Variants in SLC38A6 observed in about 807,000 individuals in gnomAD.
The protein encoded by SLC38A6 is N system amino acid transporter NAT-1.
SLC38A6 carries 73 observed loss-of-function variants against 65.0 expected under a neutral mutation model. The ratio of observed to expected loss-of-function variants is 1.12; its 90% CI spans 0.93 to 1.37. SLC38A6 has a LOEUF of 1.37. SLC38A6 is among the 40% of genes most tolerant of loss of function. The pLI is 0.00. For missense variants in SLC38A6, 561 were observed against 531.1 expected, an observed-to-expected ratio of 1.06 and a Z score of -0.55; for synonymous variants, 183 against 178.8, an observed-to-expected ratio of 1.02 and a Z score of -0.19.
In SLC38A6 at chr14:61,001,386, T is replaced by C. The variant is rs562090262; in HGVS notation, c.311-14518T>C. Reference sequence around the variant, plus strand: ...GTGTTTGCCTTGACATTAGATTAAGTGTTCCCTTAAGCAGAAGCTGAATTT... The same window carrying C: ...GTGTTTGCCTTGACATTAGATTAAGCGTTCCCTTAAGCAGAAGCTGAATTT... On this transcript the variant is annotated intron_variant, in intron 3 of 15. Transcript: ENST00000267488. Among the ~76,000 whole-genome samples the C allele has an allele frequency of 5.9e-4, 90 of 152,346 alleles. No homozygotes were observed. The South Asian group carries it at 0.018, about 31-fold the overall frequency.
chr14:61,017,382 T>G (rs1351789052), intron 4 of SLC38A6, among the ~76,000 whole-genome samples: 1 of 152,176 alleles, frequency 6.6e-6, no homozygotes, highest in Non-Finnish European at 1.5e-5. Context: ...TTAAATCATA[T>G]ACTATATAGC....
intron 16 of SLC38A6, among the ~76,000 whole-genome samples, chr14:61,080,331 C>T (rs190488795): frequency 3.9e-5 from 6 of 152,250 alleles, no homozygotes; most frequent in African/African-American, 1.2e-4. Context: ...GGGAGAGGCT[C>T]AGCTGAGGGA....
intron 8 of SLC38A6, among the ~76,000 whole-genome samples, chr14:61,042,230 A>T (rs1484261637): frequency 6.6e-6 from 1 of 152,130 alleles, no homozygotes; most frequent in African/African-American, 2.4e-5. Flanking sequence ...TTGTTTTATC[A>T]CTGTGTAAAA....
chr14:61,064,259 G>T (rs954046352), intron 15 of SLC38A6, among the ~76,000 whole-genome samples: 4 of 152,076 alleles, frequency 2.6e-5, no homozygotes, highest in Non-Finnish European at 5.9e-5. Context: ...CCTACTACTC[G>T]TACCCTCTTC....
chr14:60,993,500 G>C (rs2038058942), intron 3 of SLC38A6, among the ~76,000 whole-genome samples: 1 of 152,170 alleles, frequency 6.6e-6, no homozygotes. Flanking sequence ...TGAAAACAGG[G>C]AGATTAAGTG....
intron 3 of SLC38A6, among the ~76,000 whole-genome samples, chr14:61,010,331 C>G (rs1183497741): frequency 6.6e-6 from 1 of 152,090 alleles, no homozygotes; most frequent in African/African-American, 2.4e-5. Context: ...TGTAGGTTGC[C>G]TGTTCACTCT....
intron 3 of SLC38A6, among the ~76,000 whole-genome samples, chr14:60,995,862 G>C (rs1038494986): frequency 2.6e-5 from 4 of 152,152 alleles, no homozygotes; most frequent in African/African-American, 7.2e-5. Flanking sequence ...ATCAGTGGTT[G>C]CCAGAGTTTA....
chr14:60,989,211 A>C (rs961558106), intron 3 of SLC38A6, among the ~76,000 whole-genome samples: 2 of 151,976 alleles, frequency 1.3e-5, no homozygotes, highest in Admixed American at 1.3e-4. Context: ...CTTTGTGTTT[A>C]TTTCTAAGGC....
intron 3 of SLC38A6, among the ~76,000 whole-genome samples, chr14:61,012,740 T>A (rs1011612160): frequency 6.6e-6 from 1 of 151,974 alleles, no homozygotes; most frequent in African/African-American, 2.4e-5. Flanking sequence ...TGCACTGTGG[T>A]CTGAGAGACA....
chr14:61,060,933 G>C (rs1451315739), intron 15 of SLC38A6, among the ~76,000 whole-genome samples: 2 of 149,476 alleles, frequency 1.3e-5, no homozygotes, highest in Non-Finnish European at 3.0e-5. Context: ...GGAACTCCCT[G>C]ACCCCTTGCG....
At chr14:61,082,504 C>T (rs2043696029) in intron 16 of SLC38A6, among the ~76,000 whole-genome samples, 1 of 152,176 alleles carries the variant, frequency 6.6e-6, no homozygotes, top group Admixed American at 6.5e-5. Context: ...TCCCAGAACC[C>T]TTTGCTGGGC....
At chr14:61,031,522 G>C (rs2139671721) in intron 6 of SLC38A6, among the ~76,000 whole-genome samples, 1 of 152,134 alleles carries the variant, frequency 6.6e-6, no homozygotes. Context: ...AAGACAAGTA[G>C]AAGTCCTAAA....
intron 6 of SLC38A6, chr14:61,034,289 C>T (rs1412699178): frequency 6.6e-6 from 1 of 152,090 alleles, no homozygotes; most frequent in East Asian, 1.9e-4. Flanking sequence ...TAAATGCTCC[C>T]TTTTGTACAA....
In SLC38A6 at chr14:61,052,149, GTTTC is replaced by G. The variant is rs748129925; in HGVS notation, c.1290+23_1290+26del. 18 of 1,530,346 alleles carry G rather than the reference GTTTC, an allele frequency of 1.2e-5. No individual in the cohort carries two copies. The highest frequency in any genetic ancestry group is 1.5e-5 in the Non-Finnish European group (17 of 1,145,974). The allele number at this position is 1,530,346 out of a possible 1,614,324, so 94.8% of individuals were successfully genotyped here. A position where few individuals can be genotyped will look rare whatever the true frequency, so the allele number is the denominator to read the frequency against. On this transcript the variant is annotated intron_variant, in intron 15 of 15. Coordinates refer to ENST00000267488, the MANE Select transcript of SLC38A6 (RefSeq NM_153811.3). The stretch of plus-strand genomic sequence containing the variant: ...AAAAAGCTTGGGGTAGGTTGTTTTT[GTTTC>G]TTTCTTTCAAGACTTCTATTTTAAG...
intron 16 of SLC38A6, among the ~76,000 whole-genome samples, chr14:61,080,296 C>T (rs1307519837): frequency 6.6e-6 from 1 of 152,186 alleles, no homozygotes; most frequent in East Asian, 1.9e-4. Flanking sequence ...TTCTCTAGAG[C>T]TGGCGTGTTA....
intron 3 of SLC38A6, among the ~76,000 whole-genome samples, chr14:60,997,029 G>C (rs1319057145): frequency 1.3e-5 from 2 of 152,158 alleles, no homozygotes; most frequent in African/African-American, 4.8e-5. Flanking sequence ...AAGAAACAAG[G>C]AATCAGGCAC....
At chr14:61,024,090 G>A (rs1594631970) in intron 5 of SLC38A6, among the ~76,000 whole-genome samples, 2 of 152,080 alleles carry the variant, frequency 1.3e-5, no homozygotes, top group Admixed American at 6.6e-5. Context: ...TTAGGAAAGC[G>A]TCTACTGTTA....
intron 6 of SLC38A6, chr14:61,030,750 A>G: frequency 2.7e-6 from 1 of 370,958 alleles, no homozygotes; most frequent in South Asian, 4.1e-5. Context: ...GAAGCACCAG[A>G]TATAATCCTT....
chr14:61,034,216 A>G (rs1267921846), intron 6 of SLC38A6: 1 of 152,210 alleles, frequency 6.6e-6, no homozygotes, highest in Non-Finnish European at 1.5e-5. Context: ...TAACTGGTGT[A>G]CAGAATTTCA....
Sources: gnomAD v4.1 joint callset for allele counts (sites outside exome capture counted in the v4.1 genomes callset) on GRCh38, gnomAD v4.1.1 for gene constraint, MANE v1.5 for transcripts, NCBI Gene and HGNC (gene_info 2026-07-23, HGNC 2026-07-21) for gene names.